Variants in ULK4 observed in about 807,000 individuals in gnomAD.
The protein encoded by ULK4 is unc-51 like kinase 4.
ULK4 carries 133 observed loss-of-function variants against 160.6 expected under a neutral mutation model. The ratio of observed to expected loss-of-function variants is 0.83; its 90% CI spans 0.72 to 0.96. The LOEUF (loss-of-function observed/expected upper bound fraction) is 0.96, where lower values mean the gene tolerates loss of function less well. Among genes scored for constraint, ULK4 ranks in the 40% least tolerant of loss-of-function variants. The pLI is 0.00. For missense variants in ULK4, 1,580 were observed against 1,499.5 expected (o/e 1.05, Z -0.89); for synonymous variants, 534 against 539.8 (o/e 0.99, Z 0.15).
chr3:41,769,528 G>C (rs2039282386), intron 21 of ULK4, among the ~76,000 whole-genome samples: 1 of 152,162 alleles, frequency 6.6e-6, no homozygotes, highest in African/African-American at 2.4e-5. Context: ...TGCAGAAAAA[G>C]AGCAGAAGCC....
chr3:41,762,655 CTTT>C (rs35695794), intron 21 of ULK4, among the ~76,000 whole-genome samples: 2 of 89,002 alleles, frequency 2.2e-5, no homozygotes, highest in African/African-American at 4.5e-5. Flanking sequence ...AAGTGTTACA[CTTT>C]TTTTTTTTTT....
intron 18 of ULK4, among the ~76,000 whole-genome samples, chr3:41,820,121 C>T (rs572919786): frequency 6.6e-6 from 1 of 152,090 alleles, no homozygotes; most frequent in South Asian, 2.1e-4. Flanking sequence ...AGGTACCACA[C>T]AGAAAGATGA....
intron 35 of ULK4, among the ~76,000 whole-genome samples, chr3:41,363,732 G>A (rs1346090771): frequency 4.2e-4 from 64 of 152,190 alleles, no homozygotes; most frequent in Non-Finnish European, 7.3e-5. Flanking sequence ...CTGTGGGCAT[G>A]GGCATGCATA....
chr3:41,681,999 A>G (rs1034430385), intron 27 of ULK4, among the ~76,000 whole-genome samples, 195 bp from the exon 28 acceptor site: 9 of 152,232 alleles, frequency 5.9e-5, no homozygotes, highest in Non-Finnish European at 1.3e-4. Flanking sequence ...AAAAGTCCTC[A>G]GGTCAAAATG....
At chr3:41,707,613 T>C (rs1371221339) in intron 25 of ULK4, among the ~76,000 whole-genome samples, 2 of 152,002 alleles carry the variant, frequency 1.3e-5, no homozygotes, top group Non-Finnish European at 2.9e-5. Flanking sequence ...AGGAGGATAA[T>C]CTGAGGCCAG....
At chr3:41,456,368 G>A (rs2083553517) in intron 33 of ULK4, among the ~76,000 whole-genome samples, 1 of 150,428 alleles carries the variant, frequency 6.6e-6, no homozygotes, top group Admixed American at 6.6e-5. Context: ...TCTCCTCTGA[G>A]CATATTTATG....
chr3:41,490,280 G>A (rs940058720), intron 32 of ULK4, among the ~76,000 whole-genome samples: 2 of 152,026 alleles, frequency 1.3e-5, no homozygotes, highest in African/African-American at 2.4e-5. Context: ...TGAGCATCAC[G>A]CCATCACTTA....
At chr3:41,501,378 G>A (rs1306546071) in intron 32 of ULK4, among the ~76,000 whole-genome samples, 1 of 152,066 alleles carries the variant, frequency 6.6e-6, no homozygotes, top group Admixed American at 6.5e-5. Flanking sequence ...GACACCTGTG[G>A]TCCCAGCTAC....
At chr3:41,554,782 T>G (rs1688018100) in intron 32 of ULK4, among the ~76,000 whole-genome samples, 1 of 152,224 alleles carries the variant, frequency 6.6e-6, no homozygotes, top group Admixed American at 6.5e-5. Context: ...TTACACATTC[T>G]ATGTATCAAA....
intron 35 of ULK4, among the ~76,000 whole-genome samples, chr3:41,267,018 T>TGGG (rs757611081): frequency 3.9e-4 from 26 of 67,470 alleles, no homozygotes; most frequent in African/African-American, 9.4e-4. Context: ...GTGTCTCTAT[T>TGGG]GGGGGGGGGG....
At chr3:41,704,743 C>A (rs2036810542) in intron 27 of ULK4, among the ~76,000 whole-genome samples, 1 of 152,070 alleles carries the variant, frequency 6.6e-6, no homozygotes, top group Admixed American at 6.6e-5. Flanking sequence ...TCCCAAAATG[C>A]CTTTAGTGCC....
intron 19 of ULK4, among the ~76,000 whole-genome samples, chr3:41,807,201 A>T (rs1216767689): frequency 6.6e-6 from 1 of 152,184 alleles, no homozygotes; most frequent in African/African-American, 2.4e-5. Context: ...CCTTAATTAA[A>T]ATAAAAAATA....
chr3:41,249,338 C>CA, intron 36 of ULK4, 151 bp downstream of exon 36: 2 of 703,082 alleles, frequency 2.8e-6, no homozygotes, highest in Non-Finnish European at 4.6e-6. Flanking sequence ...GCTTCCCTTC[C>CA]CACACTGGGA....
In ULK4 at chr3:41,318,687, CCAG is replaced by C. The variant is rs1465790196; in HGVS notation, c.3679-69116_3679-69114del. 3.9e-5 allele frequency among the ~76,000 whole-genome samples: 6 copies of C among 152,302 alleles called. No homozygotes were observed. The South Asian group carries it at 1.0e-3, about 26-fold the overall frequency. On this transcript the variant is annotated intron_variant, in intron 35 of 36. Coordinates refer to ENST00000301831, the MANE Select transcript of ULK4 (RefSeq NM_017886.4). ...GGGAAATCCTGATGAGCAGGGTCAGCCAGCCACCTGAGTCATCCCGGAGTGACA... is the reference window on the plus strand; with the variant it reads ...GGGAAATCCTGATGAGCAGGGTCAGCCCACCTGAGTCATCCCGGAGTGACA...
At chr3:41,706,255 A>T (rs888249830) in intron 25 of ULK4, among the ~76,000 whole-genome samples, 1 of 151,482 alleles carries the variant, frequency 6.6e-6, no homozygotes, top group African/African-American at 2.4e-5. Context: ...GTACTCCATG[A>T]CAATGAAACA....
intron 35 of ULK4, among the ~76,000 whole-genome samples, chr3:41,306,636 C>T (rs2125716222): frequency 6.6e-6 from 1 of 152,108 alleles, no homozygotes; most frequent in South Asian, 2.1e-4. Context: ...ACCACCCCGT[C>T]TGGGAGGTGT....
intron 5 of ULK4, among the ~76,000 whole-genome samples, chr3:41,923,735 T>G (rs1238158784): frequency 6.6e-6 from 1 of 152,192 alleles, no homozygotes; most frequent in African/African-American, 2.4e-5. Context: ...AGAGAGGCAA[T>G]CAGGGACCAG....
intron 32 of ULK4, among the ~76,000 whole-genome samples, chr3:41,517,116 A>C (rs547190421): frequency 6.6e-6 from 1 of 152,346 alleles, no homozygotes; most frequent in Non-Finnish European, 1.5e-5. Flanking sequence ...TGAGCACAGG[A>C]AAGGATACTT....
chr3:41,268,812 A>C (rs2079090028), intron 35 of ULK4, among the ~76,000 whole-genome samples: 1 of 69,912 alleles, frequency 1.4e-5, no homozygotes, highest in East Asian at 2.4e-4. Flanking sequence ...TCACACACAC[A>C]CAAAAAAAAA....
Sources: gnomAD v4.1 joint callset for allele counts (sites outside exome capture counted in the v4.1 genomes callset) on GRCh38, gnomAD v4.1.1 for gene constraint, MANE v1.5 for transcripts, NCBI Gene and HGNC (gene_info 2026-07-23, HGNC 2026-07-21) for gene names.